Variants in SRGAP3 observed in about 807,000 individuals in gnomAD.
SRGAP3 encodes the protein SLIT-ROBO Rho GTPase-activating protein 3.
Under a neutral mutation model 121.1 loss-of-function variants are expected in SRGAP3, and 39 were observed. That is an observed-to-expected ratio of 0.32 (90% confidence interval 0.25 to 0.42). The LOEUF (loss-of-function observed/expected upper bound fraction) is 0.42. Ranked by LOEUF, SRGAP3 falls within the 10% of genes least tolerant of loss-of-function variation. The pLI is 1.00. For missense variants in SRGAP3, 1,213 were observed against 1,470.6 expected (o/e 0.82, Z 2.86); for synonymous variants, 601 against 570.0 (o/e 1.05, Z -0.77).
At chr3:9,303,154 G>C (rs1440515142) in intron 3 of SRGAP3, among the ~76,000 whole-genome samples, 6 of 152,038 alleles carry the variant, frequency 3.9e-5, no homozygotes, top group Admixed American at 1.3e-4. Flanking sequence ...GCCAGGCGCG[G>C]TGGCTCATGT....
At chr3:9,028,019 G>T in intron 12 of SRGAP3, 1 of 1,537,476 alleles carries the variant, frequency 6.5e-7, no homozygotes, top group Non-Finnish European at 9.0e-7. Context: ...CAACAGGCAA[G>T]GTGGGCTCTG....
chr3:9,232,037 C>T (rs1027569964), intron 1 of SRGAP3, among the ~76,000 whole-genome samples: 3 of 152,222 alleles, frequency 2.0e-5, no homozygotes, highest in African/African-American at 4.8e-5. Context: ...AACTTTTCCA[C>T]TCTTCTACCC....
chr3:9,253,361 T>A (rs745840130), upstream of SRGAP3, among the ~76,000 whole-genome samples: 1 of 152,066 alleles, frequency 6.6e-6, no homozygotes, highest in Non-Finnish European at 1.5e-5. Context: ...GTTTTCCATT[T>A]AAAAAAAGAA....
chr3:9,058,213 G>C (rs751406489), intron 7 of SRGAP3, 38 bp downstream of exon 7: 3 of 1,602,738 alleles, frequency 1.9e-6, no homozygotes, highest in Non-Finnish European at 8.5e-7. Flanking sequence ...GGAACAGAGG[G>C]AAGCAGCCCC....
At chr3:9,250,930 G>A (rs1251068682), upstream of SRGAP3, among the ~76,000 whole-genome samples, 3 of 152,216 alleles carry the variant, frequency 2.0e-5, no homozygotes, top group African/African-American at 7.2e-5. Context: ...TGCTAAGATT[G>A]TCACTAATGT....
At chr3:9,349,801 C>G (rs1324845835) in intron 1 of SRGAP3, 1 of 152,206 alleles carries the variant, frequency 6.6e-6, no homozygotes, top group Non-Finnish European at 1.5e-5. Flanking sequence ...ATGTGGTCAT[C>G]AGAAAATAAG....
chr3:9,033,603 T>G (rs558464946), intron 11 of SRGAP3: 1 of 152,342 alleles, frequency 6.6e-6, no homozygotes, highest in Admixed American at 6.5e-5. Flanking sequence ...TTTTGTATCT[T>G]TAGTAGAGAC....
At chr3:9,284,136 A>T (rs570645324) in intron 3 of SRGAP3, among the ~76,000 whole-genome samples, 1 of 110,754 alleles carries the variant, frequency 9.0e-6, no homozygotes, top group African/African-American at 2.7e-5. Flanking sequence ...GGTGTTTAAT[A>T]AAAAAAAAAA....
At chr3:9,171,511 T>C (rs956270145) in intron 1 of SRGAP3, among the ~76,000 whole-genome samples, 1 of 152,214 alleles carries the variant, frequency 6.6e-6, no homozygotes, top group East Asian at 1.9e-4. Context: ...TAAAAATAAG[T>C]GGGATTATGA....
At chr3:9,217,245 T>G (rs1278889456) in intron 1 of SRGAP3, 1 of 152,186 alleles carries the variant, frequency 6.6e-6, no homozygotes, top group Admixed American at 6.5e-5. Context: ...AAATCCACTC[T>G]CCTTAAATTA....
At chr3:9,255,033 G>A (rs2648519) in intron 3 of SRGAP3, among the ~76,000 whole-genome samples, 4 of 102,442 alleles carry the variant, frequency 3.9e-5, no homozygotes, top group African/African-American at 6.6e-5. Context: ...AGAAAGAAAG[G>A]AAGAAAGAAA....
chr3:9,027,696 T>G (rs1944284200), intron 12 of SRGAP3, among the ~76,000 whole-genome samples: 1 of 152,226 alleles, frequency 6.6e-6, no homozygotes, highest in Non-Finnish European at 1.5e-5. Context: ...CAATGACATC[T>G]TCCTAGACTG....
intron 8 of SRGAP3, among the ~76,000 whole-genome samples, chr3:9,055,971 C>A (rs1020622909): frequency 1.3e-5 from 2 of 152,160 alleles, no homozygotes; most frequent in Non-Finnish European, 2.9e-5. Context: ...GTGATCTCAG[C>A]TCACTGAAAC....
intron 1 of SRGAP3, among the ~76,000 whole-genome samples, chr3:9,210,789 C>G (rs941779796): frequency 3.3e-5 from 5 of 152,108 alleles, no homozygotes; most frequent in African/African-American, 1.2e-4. Context: ...GAGATGGAGC[C>G]ACTGCACTCC....
intron 1 of SRGAP3, among the ~76,000 whole-genome samples, chr3:9,157,172 G>T (rs1270852074): frequency 6.6e-6 from 1 of 152,156 alleles, no homozygotes; most frequent in African/African-American, 2.4e-5. Context: ...TATACAGGAG[G>T]CGTGACTGGG....
At chr3:9,018,765 T>A (rs958308763) in intron 14 of SRGAP3, among the ~76,000 whole-genome samples, 1 of 152,222 alleles carries the variant, frequency 6.6e-6, no homozygotes, top group South Asian at 2.1e-4. Context: ...ATACTTTTTT[T>A]AAATTTACAG....
intron 14 of SRGAP3, among the ~76,000 whole-genome samples, chr3:9,021,118 C>A (rs1360961988): frequency 6.6e-6 from 1 of 152,244 alleles, no homozygotes; most frequent in Non-Finnish European, 1.5e-5. Context: ...CCAGCATCTC[C>A]AGGTTCCATC....
At chr3:9,362,254 C>T (rs959717565) in intron 1 of SRGAP3, among the ~76,000 whole-genome samples, 8 of 34,022 alleles carry the variant, frequency 2.4e-4, no homozygotes, top group African/African-American at 1.7e-3. Flanking sequence ...CAACCTCTGC[C>T]TCCTGGGTAA....
At chr3:9,269,365 A>G (rs996893572) in intron 3 of SRGAP3, among the ~76,000 whole-genome samples, 2 of 152,120 alleles carry the variant, frequency 1.3e-5, no homozygotes, top group African/African-American at 4.8e-5. Flanking sequence ...TCCTTGTTCT[A>G]CCACAACCAA....
Sources: gnomAD v4.1 joint callset for allele counts (sites outside exome capture counted in the v4.1 genomes callset) on GRCh38, gnomAD v4.1.1 for gene constraint, MANE v1.5 for transcripts, NCBI Gene and HGNC (gene_info 2026-07-23, HGNC 2026-07-21) for gene names.